The following COL27A1 variants were observed in gnomAD, a reference collection of about 807,000 sequenced individuals.
COL27A1 encodes the protein collagen alpha-1(XXVII) chain.
Under a neutral mutation model 251.3 loss-of-function variants are expected in COL27A1, and 106 were observed. That is an observed-to-expected ratio of 0.42 (90% CI 0.36 to 0.50). The LOEUF (loss-of-function observed/expected upper bound fraction) is 0.50, where lower values mean the gene tolerates loss of function less well. Among genes scored for constraint, COL27A1 ranks in the 20% least tolerant of loss-of-function variants. COL27A1 has a pLI of 0.00. For missense variants in COL27A1, 2,325 were observed against 2,522.8 expected, an observed-to-expected ratio of 0.92 and a Z score of 1.68; for synonymous variants, 1,000 against 986.3, an observed-to-expected ratio of 1.01 and a Z score of -0.26.
chr9:114,286,794 G>A (rs1298433367), intron 41 of COL27A1, among the ~76,000 whole-genome samples: 27 of 152,158 alleles, frequency 1.8e-4, no homozygotes, highest in Admixed American at 1.8e-3. Context: ...CATTGCGGGG[G>A]ATCAGTATAG....
chr9:114,193,901 C>T (rs770733106), intron 5 of COL27A1, among the ~76,000 whole-genome samples: 4 of 152,090 alleles, frequency 2.6e-5, no homozygotes, highest in South Asian at 2.1e-4. Context: ...GGAGGATGGA[C>T]GCAGAGCTCT....
chr9:114,214,244 A>G (rs1487754556), intron 12 of COL27A1, among the ~76,000 whole-genome samples: 1 of 152,174 alleles, frequency 6.6e-6, no homozygotes, highest in Admixed American at 6.5e-5. Flanking sequence ...CCTGTCGTGA[A>G]TGGTTTTTCC....
chr9:114,293,651 G>T, intron 49 of COL27A1, among the ~76,000 whole-genome samples: 1 of 151,852 alleles, frequency 6.6e-6, no homozygotes, highest in East Asian at 1.9e-4. Flanking sequence ...CAACAAAAAG[G>T]ATACAGAAGT....
intron 17 of COL27A1, among the ~76,000 whole-genome samples, chr9:114,236,290 T>TC (rs1832395318): frequency 6.6e-6 from 1 of 152,228 alleles, no homozygotes; most frequent in African/African-American, 2.4e-5. Flanking sequence ...TTGTACTGTG[T>TC]CCCCTGCCAG....
In COL27A1 at chr9:114,311,592, C is replaced by G. The variant is rs1829455563; in HGVS notation, c.*897C>G. 1.3e-5 allele frequency: 2 copies of G among 150,598 alleles called. No individual in the cohort carries two copies. Among genetic ancestry groups the G allele is most frequent in the Non-Finnish European group, 3.0e-5 (2 of 67,734 alleles). The allele number at this position is 150,598 out of a possible 1,614,324, so 9.3% of individuals were successfully genotyped here. A position where few individuals can be genotyped will look rare whatever the true frequency, so the allele number is the denominator to read the frequency against. The stretch of plus-strand genomic sequence containing the variant: ...CAAAACAAAAACAAAAACAAAAACC[C>G]TACCAGAAACCAGAAGTAGAGAGAT... On this transcript the variant is annotated 3_prime_UTR_variant, in exon 61 of 61. Coordinates refer to ENST00000356083, the MANE Select transcript of COL27A1 (RefSeq NM_032888.4).
At position 114,205,221 on chromosome 9, in the gene COL27A1, C is replaced by T; in HGVS notation, c.2169+75C>T. ...CCCCTACCTGTCTCTGGCCCCCTCC[C>T]TAGATCCTGCTCTGTGAGCCAGCCC... On this transcript the variant is annotated intron_variant, in intron 8 of 60. Transcript: ENST00000356083. The T allele has an allele frequency of 2.9e-6, 4 of 1,381,356 alleles. No individual in the cohort carries two copies. The South Asian group carries it at 3.6e-5, about 13-fold the overall frequency. 85.6% of individuals were successfully genotyped at this position (1,381,356 alleles called of 1,614,324 possible). A position where few individuals can be genotyped will look rare whatever the true frequency, so the allele number is the denominator to read the frequency against.
chr9:114,187,483 G>A (rs959414569), intron 5 of COL27A1, among the ~76,000 whole-genome samples: 3 of 152,246 alleles, frequency 2.0e-5, no homozygotes, highest in South Asian at 4.1e-4. Context: ...TACAGATGAG[G>A]GAATAGGTCC....
intron 36 of COL27A1, among the ~76,000 whole-genome samples, chr9:114,275,059 C>T (rs1000411468): frequency 6.7e-6 from 1 of 148,476 alleles, no homozygotes; most frequent in Non-Finnish European, 1.5e-5. Context: ...AACTGCTGGG[C>T]TCAAGCTCTC....
At chr9:114,220,765 G>A (rs1176625143) in intron 13 of COL27A1, among the ~76,000 whole-genome samples, 4 of 152,070 alleles carry the variant, frequency 2.6e-5, no homozygotes, top group East Asian at 3.9e-4. Flanking sequence ...AGGCCGAGGC[G>A]GCTAGATCAC....
intron 60 of COL27A1, among the ~76,000 whole-genome samples, chr9:114,309,902 G>A (rs1829328818): frequency 6.6e-6 from 1 of 152,184 alleles, no homozygotes; most frequent in African/African-American, 2.4e-5. Flanking sequence ...AGTTTTATAA[G>A]ACTAAACAAA....
chr9:114,268,084 G>C (rs1164372058), intron 34 of COL27A1, among the ~76,000 whole-genome samples: 1 of 152,200 alleles, frequency 6.6e-6, no homozygotes, highest in Non-Finnish European at 1.5e-5. Flanking sequence ...ATTCAAAGAG[G>C]GAGTTGGACC....
intron 36 of COL27A1, chr9:114,272,548 A>G (rs993111339): frequency 2.0e-5 from 3 of 152,222 alleles, no homozygotes; most frequent in Non-Finnish European, 4.4e-5. Flanking sequence ...TGCGTCTCGA[A>G]TATGCACAGC....
intron 7 of COL27A1, among the ~76,000 whole-genome samples, chr9:114,201,309 C>T (rs12005125): frequency 0.045 from 6,876 of 152,266 alleles, 342 homozygotes; most frequent in African/African-American, 0.11. Flanking sequence ...GGTCAGCACC[C>T]GCCCCATAAT....
chr9:114,248,918 G>A (rs900166768), intron 24 of COL27A1, among the ~76,000 whole-genome samples: 1 of 152,180 alleles, frequency 6.6e-6, no homozygotes, highest in Non-Finnish European at 1.5e-5. Context: ...CTGCTCCCTT[G>A]TGGGAAGCCC....
chr9:114,209,307 A>G (rs901202057), intron 10 of COL27A1: 6 of 463,976 alleles, frequency 1.3e-5, no homozygotes, highest in Non-Finnish European at 2.1e-5. Flanking sequence ...ACGGGCACCT[A>G]CCAGCATCCC....
At chr9:114,207,812 T>G (rs1830068205) in intron 10 of COL27A1, among the ~76,000 whole-genome samples, 1 of 152,220 alleles carries the variant, frequency 6.6e-6, no homozygotes, top group South Asian at 2.1e-4. Flanking sequence ...TCTGAGCCAA[T>G]TATTTTCTCA....
chr9:114,305,959 A>G (rs1318093431), intron 57 of COL27A1, among the ~76,000 whole-genome samples: 1 of 152,190 alleles, frequency 6.6e-6, no homozygotes, highest in African/African-American at 2.4e-5. Context: ...AATTCTGGCC[A>G]GGGTAACCCT....
In COL27A1 at chr9:114,167,978, C is replaced by T. The variant is rs2135072423; in HGVS notation, c.423C>T (p.Ser141=). The T allele has an allele frequency of 6.2e-7, 1 of 1,605,842 alleles. No individual in the cohort carries two copies. The highest frequency in any genetic ancestry group is 8.5e-7 in the Non-Finnish European group (1 of 1,179,838). Residue 141 remains serine, a synonymous_variant, in exon 3 of 61, where the codon TCC becomes TCT. Transcript: ENST00000356083. ...LPGKTVVHLG[S]RRSVAFDLDM... ...GCAAGACGGTCGTCCACCTCGGGTCCCGGCGCTCAGTGGCCTTCGACCTCG... is the reference window on the plus strand; with the variant it reads ...GCAAGACGGTCGTCCACCTCGGGTCTCGGCGCTCAGTGGCCTTCGACCTCG...
Position 114,292,110 on chromosome 9 carries a change from G to T in COL27A1, c.4484G>T (p.Ser1495Ile). The T allele has an allele frequency of 6.4e-7, 1 of 1,556,686 alleles. No homozygotes were observed. The highest frequency in any genetic ancestry group is 8.7e-7 in the Non-Finnish European group (1 of 1,149,864). ...TTTGTGTGTTTCTTTAAGGGTGAGA[G>T]TGGGTTACCCGGACAGCTGGGTCCC... ...AQGPPGFKGE[S>I]GLPGQLGPPG... The change falls in exon 49 of 61, where the codon AGT becomes ATT. Residue 1495 changes from serine (S) to isoleucine (I), a missense_variant. Ser to Ile is a moderately radical substitution (Grantham distance 142). Transcript: ENST00000356083.
Sources: gnomAD v4.1 joint callset for allele counts (sites outside exome capture counted in the v4.1 genomes callset) on GRCh38, gnomAD v4.1.1 for gene constraint, MANE v1.5 for transcripts, NCBI Gene and HGNC (gene_info 2026-07-23, HGNC 2026-07-21) for gene names.